The following MYNN variants were observed in gnomAD, a reference collection of about 807,000 sequenced individuals.
MYNN encodes the protein myoneurin.
A neutral mutation model predicts 57.2 loss-of-function variants in MYNN; 22 were observed. The ratio of observed to expected loss-of-function variants is 0.38; its 90% CI spans 0.27 to 0.55. The LOEUF (loss-of-function observed/expected upper bound fraction) is 0.55. Among genes scored for constraint, MYNN ranks in the 20% least tolerant of loss-of-function variants. The pLI, the probability that MYNN is intolerant of heterozygous loss-of-function variation, is 0.71. For synonymous variants in MYNN, 241 were observed against 257.1 expected (o/e 0.94, Z 0.60); for missense variants, 566 against 723.1 (o/e 0.78, Z 2.49).
intron 6 of MYNN, chr3:169,784,004 CAA>C: frequency 3.7e-6 from 1 of 266,716 alleles, no homozygotes; most frequent in Non-Finnish European, 7.3e-6. Flanking sequence ...AATTTTAAAA[CAA>C]AGGAAAATGC....
chr3:169,784,912 TAA>T (rs11456214), intron 7 of MYNN, among the ~76,000 whole-genome samples: 30 of 134,630 alleles, frequency 2.2e-4, no homozygotes, highest in African/African-American at 4.3e-4. Flanking sequence ...ATCTCTTATT[TAA>T]AAAAAAAAAA....
chr3:169,786,343 A>C, intron 7 of MYNN, 73 bp from the exon 8 acceptor site: 3 of 1,395,108 alleles, frequency 2.2e-6, no homozygotes, highest in Non-Finnish European at 3.0e-6. Flanking sequence ...GGGAATGGTA[A>C]GTACATTAGT....
In MYNN at chr3:169,774,570, C is replaced by T. The variant is rs560270111; in HGVS notation, c.266+9C>T. 1.8e-5 allele frequency: 29 copies of T among 1,601,728 alleles called. No individual in the cohort carries two copies. In the East Asian group the frequency reaches 2.7e-4, roughly 15 times the overall value. On this transcript the variant is annotated intron_variant, in intron 2 of 7. Transcript: ENST00000349841. ...ACTTTAAATCTTGACAGGTAAAGTA[C>T]ACATTTTATTTTCAGTTATAAAAGC...
In MYNN at chr3:169,779,294, C is replaced by G. The variant is rs1778440980; in HGVS notation, c.793C>G (p.Pro265Ala). Residue 265 changes from proline (P) to alanine (A), a missense_variant, in exon 3 of 8, where the codon CCA becomes GCA. By Grantham distance (27) the Pro-to-Ala change is conservative. Around this residue, in one of 4 missense-constraint regions of MYNN, gnomAD observed 261 missense variants for 280.8 expected, o/e 0.93. Transcript: ENST00000349841. ...TVKRKRGKSQ[P>A]NCALKEHSMS... is the part of the protein sequence containing the mutation. The stretch of plus-strand genomic sequence containing the variant: ...GAAACGGAAACGTGGAAAATCACAG[C>G]CAAACTGTGCTCTGAAAGAACACTC... 1 of 1,614,116 alleles carries G rather than the reference C, an allele frequency of 6.2e-7. No individual in the cohort carries two copies. Among genetic ancestry groups the G allele is most frequent in the African/African-American group, 1.3e-5 (1 of 75,030 alleles).
chr3:169,774,536 T>G lies in MYNN; in HGVS notation c.241T>G (p.Tyr81Asp). 6.2e-7 allele frequency: 1 copy of G among 1,613,542 alleles called. No individual in the cohort carries two copies. Among genetic ancestry groups the G allele is most frequent in the Non-Finnish European group, 8.5e-7 (1 of 1,179,598 alleles). Residue 81 changes from tyrosine (Y) to aspartate (D), a missense_variant, in exon 2 of 8, where the codon TAC becomes GAC. Tyr to Asp is a radical substitution (Grantham distance 160). Coordinates refer to ENST00000349841, the MANE Select transcript of MYNN (RefSeq NM_018657.5). Reference sequence around the variant, plus strand: ...ATTTCAGAAACTGTTGGAGTTTATATACACAGGAACTTTAAATCTTGACAG... The same window carrying G: ...ATTTCAGAAACTGTTGGAGTTTATAGACACAGGAACTTTAAATCTTGACAG... ...DGFQKLLEFIYTGTLNLDSWN... is the reference protein window; with the variant it reads ...DGFQKLLEFIDTGTLNLDSWN...
Position 169,780,615 on chromosome 3 carries a change from G to A in MYNN, c.1086G>A (p.Leu362=), listed in dbSNP as rs1294361311. The part of the protein sequence containing the change: ...HTGEKPYKCE[L]CDKGFAQKCQ... ...GTGAGAAGCCATACAAATGTGAATT[G>A]TGTGATAAAGGATTTGCTCAGAAAT... The change falls in exon 4 of 8, where the codon TTG becomes TTA. Residue 362 remains leucine (L), a synonymous_variant. Coordinates refer to ENST00000349841, the MANE Select transcript of MYNN (RefSeq NM_018657.5). 1.2e-6 allele frequency: 2 copies of A among 1,607,278 alleles called. No individual in the cohort carries two copies. Among genetic ancestry groups the A allele is most frequent in the Non-Finnish European group, 1.7e-6 (2 of 1,178,070 alleles).
intron 6 of MYNN, 91 bp downstream of exon 6, chr3:169,783,651 G>C: frequency 3.6e-6 from 3 of 843,922 alleles, no homozygotes; most frequent in Non-Finnish European, 6.2e-6. Context: ...GGACTATATG[G>C]TATTTAGTCA....
At chr3:169,773,712 G>T (rs1305364780) in intron 1 of MYNN, among the ~76,000 whole-genome samples, 1 of 152,226 alleles carries the variant, frequency 6.6e-6, no homozygotes, top group Non-Finnish European at 1.5e-5. Context: ...GCCGCCTCGC[G>T]TAGAGAGTGG....
intron 7 of MYNN, 23 bp from the exon 8 acceptor site, chr3:169,786,393 A>T: frequency 6.3e-7 from 1 of 1,586,434 alleles, no homozygotes; most frequent in Non-Finnish European, 8.6e-7. Context: ...GATAATGTAG[A>T]TTTTTTTTTC....
intron 4 of MYNN, 88 bp downstream of exon 4, chr3:169,780,837 T>C (rs1778489067): frequency 9.1e-7 from 1 of 1,104,170 alleles, no homozygotes; most frequent in South Asian, 2.0e-5. Context: ...TTCAGGACAG[T>C]AGAATTGTAA....
chr3:169,776,533 G>A (rs1339604977), intron 2 of MYNN, among the ~76,000 whole-genome samples: 1 of 152,098 alleles, frequency 6.6e-6, no homozygotes, highest in Non-Finnish European at 1.5e-5. Flanking sequence ...CTGGCAATAT[G>A]TAATTAAATG....
chr3:169,777,199 A>G lies in MYNN; in HGVS notation c.267-1569A>G, dbSNP rs529082999. 2.0e-5 allele frequency: 3 copies of G among 152,356 alleles called. No individual in the cohort carries two copies. The South Asian group carries it at 6.2e-4, about 32-fold the overall frequency. 9.4% of individuals were successfully genotyped at this position (152,356 alleles called of 1,614,324 possible). On this transcript the variant is annotated intron_variant, in intron 2 of 7. Coordinates refer to ENST00000349841, the MANE Select transcript of MYNN (RefSeq NM_018657.5). Reference sequence around the variant, plus strand: ...AACATACAGGTGGCACTTGAGGCAAAGCAAGTTTAATTAGAAGATGATGAG... The same window carrying G: ...AACATACAGGTGGCACTTGAGGCAAGGCAAGTTTAATTAGAAGATGATGAG...
intron 1 of MYNN, 168 bp from the exon 2 acceptor site, chr3:169,774,097 G>T (rs1367646030): frequency 1.7e-6 from 1 of 583,824 alleles, no homozygotes; most frequent in Non-Finnish European, 3.0e-6. Flanking sequence ...AGTTGATCAA[G>T]GTAACCAAAG....
Position 169,774,382 on chromosome 3 carries a change from G to A in MYNN, c.87G>A (p.Val29=). ...EAGFLCDCTI[V]IGEFQFKAHR... ...GTTTTCTCTGTGACTGTACCATAGT[G>A]ATTGGGGAATTCCAGTTTAAAGCTC... The change falls in exon 2 of 8, where the codon GTG becomes GTA. Residue 29 remains valine, a synonymous_variant. Transcript: ENST00000349841. The A allele has an allele frequency of 6.2e-7, 1 of 1,614,172 alleles. No homozygotes were observed. The highest frequency in any genetic ancestry group is 8.5e-7 in the Non-Finnish European group (1 of 1,180,008).
chr3:169,773,935 A>T, intron 1 of MYNN: 1 of 213,070 alleles, frequency 4.7e-6, no homozygotes, highest in Non-Finnish European at 9.5e-6. Context: ...TTAGTGGTTT[A>T]AAAAATTTTT....
At chr3:169,785,215 GAA>G (rs1270624944) in intron 7 of MYNN, among the ~76,000 whole-genome samples, 1 of 151,984 alleles carries the variant, frequency 6.6e-6, no homozygotes, top group African/African-American at 2.4e-5. Context: ...GTGAATTCTT[GAA>G]AAAGTTTCCC....
intron 2 of MYNN, chr3:169,778,456 TA>T (rs1778411769): frequency 4.8e-6 from 1 of 208,346 alleles, no homozygotes; most frequent in South Asian, 1.0e-4. Context: ...GGTAGTGAGT[TA>T]CCATCAGCTA....
chr3:169,786,458 T>G lies in MYNN; in HGVS notation c.1613T>G (p.Leu538Trp). ...TLDSSAEDHT[L>W]SEQDSIQKSP... ...GACTCCAGTGCAGAGGATCATACTTTGAGTGAACAGGATTCCATACAAAAA... is the reference window on the plus strand; with the variant it reads ...GACTCCAGTGCAGAGGATCATACTTGGAGTGAACAGGATTCCATACAAAAA... The change falls in exon 8 of 8, where the codon TTG becomes TGG. Residue 538 changes from leucine (L) to tryptophan (W), a missense_variant. Physicochemically the swap from Leu to Trp is moderately conservative, Grantham distance 61. Coordinates refer to ENST00000349841, the MANE Select transcript of MYNN (RefSeq NM_018657.5). The G allele has an allele frequency of 6.2e-7, 1 of 1,613,594 alleles. No individual in the cohort carries two copies. Among genetic ancestry groups the G allele is most frequent in the Non-Finnish European group, 8.5e-7 (1 of 1,179,576 alleles).
At chr3:169,773,949 T>C (rs1464855999) in intron 1 of MYNN, 1 of 229,928 alleles carries the variant, frequency 4.3e-6, no homozygotes, top group African/African-American at 2.3e-5. Flanking sequence ...AATTTTTTTG[T>C]AACATAAGTA....
Sources: gnomAD v4.1 joint callset for allele counts (sites outside exome capture counted in the v4.1 genomes callset) on GRCh38, gnomAD v4.1.1 for gene constraint, gnomAD v4.1.1 regional missense constraint, MANE v1.5 for transcripts, NCBI Gene and HGNC (gene_info 2026-07-23, HGNC 2026-07-21) for gene names.